The following SENP7 variants were observed in gnomAD, a reference collection of about 807,000 sequenced individuals.
SENP7 encodes the protein sentrin-specific protease 7.
In SENP7, 64 loss-of-function variants were observed where a neutral mutation model predicts 141.2. The ratio of observed to expected loss-of-function variants is 0.45; its 90% confidence interval spans 0.37 to 0.56. The LOEUF (loss-of-function observed/expected upper bound fraction) is 0.56. SENP7 is among the 20% of genes least tolerant of loss of function. The pLI is 0.00. For missense variants in SENP7, 1,025 were observed against 1,212.2 expected (o/e 0.85, Z 2.29); for synonymous variants, 382 against 426.4 (o/e 0.90, Z 1.28).
At chr3:101,417,933 G>T in intron 4 of SENP7, 143 bp from the exon 5 acceptor site, 1 of 620,748 alleles carries the variant, frequency 1.6e-6, no homozygotes, top group East Asian at 2.8e-5. Context: ...AAGAAAAAAT[G>T]CCTAACTATT....
At chr3:101,433,550 A>C (rs1195901030) in intron 4 of SENP7, among the ~76,000 whole-genome samples, 1 of 152,150 alleles carries the variant, frequency 6.6e-6, no homozygotes, top group East Asian at 1.9e-4. Flanking sequence ...AGACACACAT[A>C]AACTAAAAAT....
In SENP7 at chr3:101,366,514, CCTT is replaced by C; in HGVS notation, c.1231_1233del (p.Lys411del). 1 of 1,613,884 alleles carries C rather than the reference CCTT, an allele frequency of 6.2e-7. No homozygotes were observed. Among genetic ancestry groups the C allele is most frequent in the Non-Finnish European group, 8.5e-7 (1 of 1,179,784 alleles). ...TCTATGGTATTCAACTCATTCTCAT[CCTT>C]CTCAACCAGGGAAGAAATCCCCACA... On this transcript the variant is annotated inframe_deletion, in exon 9 of 24. Transcript: ENST00000394095.
chr3:101,339,350 C>T (rs138041442), intron 16 of SENP7, among the ~76,000 whole-genome samples: 3 of 152,258 alleles, frequency 2.0e-5, no homozygotes, highest in Non-Finnish European at 2.9e-5. Flanking sequence ...TACAAAATGA[C>T]GGCTAGAAGC....
chr3:101,347,843 C>T, intron 13 of SENP7, 29 bp downstream of exon 13: 2 of 1,175,186 alleles, frequency 1.7e-6, no homozygotes, highest in Non-Finnish European at 2.3e-6. Context: ...TCAAGTTATC[C>T]TGAAATTTAG....
Position 101,335,016 on chromosome 3 carries a change from A to G in SENP7, c.2481-2154T>C, listed in dbSNP as rs985486784. On this transcript the variant is annotated intron_variant, in intron 17 of 23. Transcript: ENST00000394095. ...CAAGGTACTGAGGATAGAGTGGAAA[A>G]TAAGACAGATAAAGTCCCTAACTTC... Among the ~76,000 whole-genome samples, 5 of 152,228 alleles carry G rather than the reference A, an allele frequency of 3.3e-5. No homozygotes were observed. In the South Asian group the frequency reaches 6.2e-4, roughly 19 times the overall value.
intron 20 of SENP7, among the ~76,000 whole-genome samples, 176 bp from the exon 21 acceptor site, chr3:101,328,865 T>C: frequency 6.6e-6 from 1 of 152,290 alleles, no homozygotes; most frequent in East Asian, 1.9e-4. Context: ...GCTAAAACAG[T>C]AGGCTATATA....
At chr3:101,371,037 C>G (rs1198447380) in intron 7 of SENP7, among the ~76,000 whole-genome samples, 1 of 152,174 alleles carries the variant, frequency 6.6e-6, no homozygotes, top group Non-Finnish European at 1.5e-5. Flanking sequence ...TGCCTATAAT[C>G]CCAGCATTTT....
intron 3 of SENP7, among the ~76,000 whole-genome samples, chr3:101,488,538 A>T (rs549290245): frequency 6.6e-6 from 1 of 152,318 alleles, no homozygotes; most frequent in South Asian, 2.1e-4. Flanking sequence ...TTCCCTAATC[A>T]CAATAGAAAG....
At chr3:101,419,583 T>C (rs1185416028) in intron 4 of SENP7, among the ~76,000 whole-genome samples, 1 of 152,004 alleles carries the variant, frequency 6.6e-6, no homozygotes, top group African/African-American at 2.4e-5. Flanking sequence ...AGTTGAGAAA[T>C]ATGGTTGTGA....
intron 6 of SENP7, among the ~76,000 whole-genome samples, chr3:101,384,910 A>C (rs186883636): frequency 6.6e-6 from 1 of 152,248 alleles, no homozygotes; most frequent in Non-Finnish European, 1.5e-5. Flanking sequence ...CTGTGAGCCT[A>C]TTAAACCTCA....
chr3:101,408,297 C>T (rs1489651450), intron 5 of SENP7, among the ~76,000 whole-genome samples: 1 of 151,918 alleles, frequency 6.6e-6, no homozygotes, highest in African/African-American at 2.4e-5. Flanking sequence ...TTAAACATTA[C>T]CAACAACAAA....
chr3:101,465,309 C>T (rs2063725643), intron 3 of SENP7, among the ~76,000 whole-genome samples: 1 of 152,210 alleles, frequency 6.6e-6, no homozygotes. Context: ...ATAGCTGCCA[C>T]TGCCATTGCC....
chr3:101,479,789 A>G, intron 3 of SENP7, among the ~76,000 whole-genome samples: 1 of 144,724 alleles, frequency 6.9e-6, no homozygotes, highest in Non-Finnish European at 1.5e-5. Context: ...TGGACAACAG[A>G]GTGAGACTCT....
intron 5 of SENP7, chr3:101,414,443 A>T: frequency 1.7e-6 from 2 of 1,171,392 alleles, no homozygotes; most frequent in Non-Finnish European, 2.5e-6. Context: ...GAGAAGTTCC[A>T]GGACCACCTG....
intron 4 of SENP7, among the ~76,000 whole-genome samples, chr3:101,453,729 G>A (rs1477186531): frequency 1.3e-5 from 2 of 152,062 alleles, no homozygotes; most frequent in East Asian, 1.9e-4. Context: ...GGTGGGGGCA[G>A]GGGGGAGGAA....
chr3:101,406,939 A>G (rs2061323753), intron 5 of SENP7, among the ~76,000 whole-genome samples: 1 of 152,228 alleles, frequency 6.6e-6, no homozygotes, highest in Non-Finnish European at 1.5e-5. Flanking sequence ...CAAAACAATT[A>G]TCAGCCAAGA....
chr3:101,451,967 T>C (rs913387814), intron 4 of SENP7, among the ~76,000 whole-genome samples: 12 of 152,200 alleles, frequency 7.9e-5, no homozygotes, highest in East Asian at 5.8e-4. Context: ...GAAAACCCCA[T>C]TGTCTCAGCC....
At chr3:101,400,481 ACT>A (rs2061103741) in intron 5 of SENP7, among the ~76,000 whole-genome samples, 1 of 150,020 alleles carries the variant, frequency 6.7e-6, no homozygotes. Context: ...CATTTCGGTA[ACT>A]CTCAAAATAT....
chr3:101,463,364 A>ATATATATATATATATATATATATATAT (rs1553744608), intron 3 of SENP7, among the ~76,000 whole-genome samples: 1 of 89,248 alleles, frequency 1.1e-5, no homozygotes, highest in Non-Finnish European at 2.2e-5. Context: ...TAAATAAATA[A>ATATATATATATATATATATATATATAT]ATATATATAT....
Sources: allele counts gnomAD v4.1 joint callset (sites outside exome capture counted in the v4.1 genomes callset), GRCh38; gene constraint gnomAD v4.1.1; transcripts MANE v1.5; gene names NCBI Gene and HGNC (gene_info 2026-07-23, HGNC 2026-07-21).